SPMIP6: variants seen among roughly 807,000 people sequenced by gnomAD.
The protein encoded by SPMIP6 is sperm microtubule inner protein 6.
At chr9:34,381,399 G>A in the SPMIP6 span, 1 of 1,614,076 alleles carries the variant, frequency 6.2e-7, no homozygotes, top group Non-Finnish European at 8.5e-7. This position sits in a 1 kb window ranked among gnomAD's most constrained non-coding sequence, Gnocchi z 4.4. Context: ...GGCCTAGGAG[G>A]GCATTCCAAG....
the SPMIP6 span, among the ~76,000 whole-genome samples, chr9:34,396,397 C>T: frequency 3.9e-5 from 6 of 152,268 alleles, no homozygotes; most frequent in Middle Eastern, 3.4e-3. Flanking sequence ...CCTACATCCT[C>T]CTTCCTCATC....
chr9:34,385,539 A>G, the SPMIP6 span: 5 of 749,218 alleles, frequency 6.7e-6, no homozygotes, highest in African/African-American at 5.6e-5. Flanking sequence ...CCGTCTCAAA[A>G]AAAAAAAAAA....
the SPMIP6 span, among the ~76,000 whole-genome samples, chr9:34,395,683 T>C: frequency 6.6e-6 from 1 of 152,214 alleles, no homozygotes. Context: ...CAAACATCTT[T>C]TCCTGGATAT....
chr9:34,385,716 A>T, the SPMIP6 span: 1 of 1,613,852 alleles, frequency 6.2e-7, no homozygotes, highest in East Asian at 2.2e-5. Flanking sequence ...AGTCCTGTAC[A>T]GCACATTTGG....
At chr9:34,382,205 T>C in the SPMIP6 span, among the ~76,000 whole-genome samples, 1 of 152,134 alleles carries the variant, frequency 6.6e-6, no homozygotes, top group African/African-American at 2.4e-5. Flanking sequence ...CAGCCAGGGA[T>C]TGGAGCCCAG....
the SPMIP6 span, chr9:34,397,573 C>A: frequency 6.2e-7 from 1 of 1,613,618 alleles, no homozygotes; most frequent in South Asian, 1.1e-5. Context: ...GAGGTGGGAG[C>A]CCTGTAGGAG....
the SPMIP6 span, chr9:34,382,705 G>C: frequency 8.4e-7 from 1 of 1,190,450 alleles, no homozygotes. Context: ...GAGGTGGTGG[G>C]GTATGCGTGT....
chr9:34,393,424 G>T, the SPMIP6 span, among the ~76,000 whole-genome samples: 85,774 of 151,926 alleles, frequency 0.56, 24,569 homozygotes, highest in Non-Finnish European at 0.61. Context: ...ATAGACCTGA[G>T]GGTAATAAAC....
the SPMIP6 span, chr9:34,380,898 T>C: frequency 6.4e-7 from 1 of 1,561,300 alleles, no homozygotes; most frequent in Admixed American, 1.8e-5. Context: ...CCTGCGAACC[T>C]TACAGTCGGT....
the SPMIP6 span, among the ~76,000 whole-genome samples, chr9:34,388,286 G>A: frequency 0.13 from 18,465 of 146,596 alleles, 1,493 homozygotes; most frequent in Non-Finnish European, 0.18. Flanking sequence ...GATTACAGGC[G>A]CCTGCCACCA....
the SPMIP6 span, chr9:34,381,077 G>A: frequency 6.2e-7 from 1 of 1,610,972 alleles, no homozygotes; most frequent in Non-Finnish European, 8.5e-7. This position sits in a 1 kb window ranked among gnomAD's most constrained non-coding sequence, Gnocchi z 4.4. Context: ...CGTGATCCGC[G>A]GCAGCTGCTG....
At chr9:34,397,738 G>T in the SPMIP6 span, 1 of 1,256,496 alleles carries the variant, frequency 8.0e-7, no homozygotes, top group Non-Finnish European at 1.1e-6. Flanking sequence ...AGCCTGGCAG[G>T]TGCCCTTAGC....
chr9:34,381,550 C>G, the SPMIP6 span: 1 of 1,548,776 alleles, frequency 6.5e-7, no homozygotes, highest in Non-Finnish European at 8.7e-7. This position sits in a 1 kb window ranked among gnomAD's most constrained non-coding sequence, Gnocchi z 4.4. Flanking sequence ...CAACTTCTCC[C>G]GCCCTTCAGC....
chr9:34,383,137 G>C, the SPMIP6 span, among the ~76,000 whole-genome samples: 1 of 152,146 alleles, frequency 6.6e-6, no homozygotes, highest in African/African-American at 2.4e-5. Flanking sequence ...TTTTGAATCA[G>C]CCAGCCTGGA....
chr9:34,393,143 A>G, the SPMIP6 span, among the ~76,000 whole-genome samples: 13 of 152,336 alleles, frequency 8.5e-5, no homozygotes, highest in East Asian at 2.3e-3. Context: ...GTACAAAACT[A>G]TGTCTTATGC....
At chr9:34,380,407 C>A in the SPMIP6 span, among the ~76,000 whole-genome samples, 1 of 152,182 alleles carries the variant, frequency 6.6e-6, no homozygotes, top group Non-Finnish European at 1.5e-5. Context: ...TCCCGGCTCA[C>A]GTAGCCCCCA....
At chr9:34,395,190 T>C in the SPMIP6 span, among the ~76,000 whole-genome samples, 1 of 152,130 alleles carries the variant, frequency 6.6e-6, no homozygotes, top group Non-Finnish European at 1.5e-5. Context: ...CTTGAACTCG[T>C]AGGCTCAAGC....
chr9:34,386,255 C>T, the SPMIP6 span, among the ~76,000 whole-genome samples: 13 of 152,134 alleles, frequency 8.5e-5, no homozygotes, highest in Admixed American at 7.9e-4. Context: ...GGGAATCTAG[C>T]ATCTTAAAGA....
the SPMIP6 span, among the ~76,000 whole-genome samples, chr9:34,391,503 T>C: frequency 6.6e-5 from 10 of 152,356 alleles, no homozygotes; most frequent in East Asian, 1.7e-3. Context: ...CACATTTTTT[T>C]AGACAAGGAT....
Sources: gnomAD v4.1 joint callset for allele counts (sites outside exome capture counted in the v4.1 genomes callset) on GRCh38, gnomAD v4.1.1 for gene constraint, Gnocchi (gnomAD v3.1) non-coding constraint, MANE v1.5 for transcripts, NCBI Gene and HGNC (gene_info 2026-07-23, HGNC 2026-07-21) for gene names.